PPFIBP1: variants seen among roughly 807,000 people sequenced by gnomAD.
PPFIBP1 encodes PPFIB scaffold protein 1, also known as liprin-beta-1.
A neutral mutation model predicts 137.8 loss-of-function variants in PPFIBP1; 112 were observed. That is an observed-to-expected ratio of 0.81 (90% CI 0.70 to 0.95). The LOEUF (loss-of-function observed/expected upper bound fraction) is 0.95. Among genes scored for constraint, PPFIBP1 ranks in the 40% least tolerant of loss-of-function variants. The pLI is 0.00. For synonymous variants in PPFIBP1, 378 were observed against 417.3 expected, an observed-to-expected ratio of 0.91 and a Z score of 1.15; for missense variants, 1,083 against 1,196.6, an observed-to-expected ratio of 0.91 and a Z score of 1.40.
intron 2 of PPFIBP1, among the ~76,000 whole-genome samples, chr12:27,585,968 T>A (rs75830357): frequency 2.3e-3 from 343 of 152,262 alleles, no homozygotes; most frequent in African/African-American, 7.9e-3. Context: ...TATAGAGAGA[T>A]TCAATGGTAG....
At chr12:27,601,556 A>G (rs143669006) in intron 2 of PPFIBP1, among the ~76,000 whole-genome samples, 2 of 152,328 alleles carry the variant, frequency 1.3e-5, no homozygotes, top group African/African-American at 2.4e-5. Context: ...ATTTAATTTT[A>G]TGACAGTCTC....
intron 26 of PPFIBP1, 129 bp from the exon 27 acceptor site, chr12:27,688,886 A>G (rs2061350330): frequency 3.7e-6 from 3 of 806,572 alleles, no homozygotes; most frequent in East Asian, 2.7e-5. Context: ...TATTGTGTCT[A>G]CCTCACCGGG....
chr12:27,688,175 AAG>A, intron 25 of PPFIBP1, 121 bp from the exon 26 acceptor site: 1 of 1,136,696 alleles, frequency 8.8e-7, no homozygotes, highest in Non-Finnish European at 1.2e-6. Flanking sequence ...AATTCTTTAA[AAG>A]AGAATTTTTC....
chr12:27,602,642 C>T (rs1404735387), intron 2 of PPFIBP1, among the ~76,000 whole-genome samples: 1 of 152,192 alleles, frequency 6.6e-6, no homozygotes, highest in African/African-American at 2.4e-5. Flanking sequence ...TCATTTGCAG[C>T]ATTCATTATT....
chr12:27,540,790 T>A (rs1308034927), intron 1 of PPFIBP1, among the ~76,000 whole-genome samples: 1 of 152,258 alleles, frequency 6.6e-6, no homozygotes, highest in Non-Finnish European at 1.5e-5. Context: ...TTTGATATTA[T>A]TGAGCTAAAT....
chr12:27,685,743 A>G (rs2061167080), intron 24 of PPFIBP1, among the ~76,000 whole-genome samples: 1 of 152,222 alleles, frequency 6.6e-6, no homozygotes, highest in Admixed American at 6.5e-5. Context: ...AGTCAATTGT[A>G]CATTAATTTC....
intron 17 of PPFIBP1, among the ~76,000 whole-genome samples, chr12:27,675,243 T>G (rs1307560772): frequency 6.6e-6 from 1 of 152,216 alleles, no homozygotes; most frequent in Non-Finnish European, 1.5e-5. Context: ...CTGAGTCATA[T>G]GTGGATAGAA....
At chr12:27,528,296 A>G (rs147030082) in intron 1 of PPFIBP1, among the ~76,000 whole-genome samples, 22 of 152,322 alleles carry the variant, frequency 1.4e-4, no homozygotes, top group African/African-American at 4.8e-4. Flanking sequence ...TCTTCTGGCC[A>G]GCATTTTCTG....
chr12:27,672,165 C>T (rs1291175784), intron 14 of PPFIBP1, among the ~76,000 whole-genome samples: 1 of 151,992 alleles, frequency 6.6e-6, no homozygotes, highest in Non-Finnish European at 1.5e-5. Context: ...GTCACAGTCA[C>T]GGGCTGTAAG....
chr12:27,678,989 A>G (rs968716548), intron 19 of PPFIBP1, among the ~76,000 whole-genome samples: 7 of 152,022 alleles, frequency 4.6e-5, no homozygotes, highest in African/African-American at 1.7e-4. Context: ...TACAGAGCCT[A>G]GAGAGAGAGA....
intron 1 of PPFIBP1, among the ~76,000 whole-genome samples, chr12:27,561,999 G>A (rs755575934): frequency 2.6e-5 from 4 of 152,070 alleles, no homozygotes; most frequent in Admixed American, 1.3e-4. Flanking sequence ...GCAGTGAGCC[G>A]TGATTGCCAC....
chr12:27,678,306 G>A (rs1294319543), intron 19 of PPFIBP1, among the ~76,000 whole-genome samples: 2 of 152,216 alleles, frequency 1.3e-5, no homozygotes, highest in African/African-American at 4.8e-5. Flanking sequence ...GGCAACTGTG[G>A]ATGTGATTCT....
At chr12:27,641,499 A>G (rs1184571731) in intron 4 of PPFIBP1, among the ~76,000 whole-genome samples, 1 of 152,240 alleles carries the variant, frequency 6.6e-6, no homozygotes, top group African/African-American at 2.4e-5. Flanking sequence ...TGGCAAGTGC[A>G]TGGGGTTTCA....
intron 2 of PPFIBP1, among the ~76,000 whole-genome samples, chr12:27,620,300 T>TCCCACCACG (rs1202989260): frequency 6.6e-6 from 1 of 152,004 alleles, no homozygotes; most frequent in African/African-American, 2.4e-5. Context: ...ACCCCACCAC[T>TCCCACCACG]CCCACCACGC....
intron 2 of PPFIBP1, among the ~76,000 whole-genome samples, chr12:27,604,452 T>G (rs2137877977): frequency 6.6e-6 from 1 of 152,314 alleles, no homozygotes; most frequent in East Asian, 1.9e-4. Flanking sequence ...TTGGCTATTC[T>G]CATCAGTCAT....
rs138343248 is a variant in PPFIBP1 at position 27,620,301 on chromosome 12, C to T, written c.-35-13061C>T. On this transcript the variant is annotated intron_variant, in intron 2 of 29. Coordinates refer to ENST00000228425, the MANE Select transcript of PPFIBP1 (RefSeq NM_003622.4). The stretch of plus-strand genomic sequence containing the variant: ...CCCCAGATTCCACTACCCCACCACT[C>T]CCACCACGCCTTCTGTGCCTCTGGG... 6.2e-3 allele frequency among the ~76,000 whole-genome samples: 944 copies of T among 152,270 alleles called. 9 individuals carry two copies. The highest frequency in any genetic ancestry group is 0.022 in the African/African-American group (898 of 41,536).
chr12:27,654,512 C>A, intron 7 of PPFIBP1: 1 of 501,770 alleles, frequency 2.0e-6, no homozygotes, highest in Non-Finnish European at 3.2e-6. Flanking sequence ...CACTTTAGGG[C>A]AGACGCATTG....
At chr12:27,552,236 G>A (rs1946849594) in intron 1 of PPFIBP1, among the ~76,000 whole-genome samples, 1 of 152,178 alleles carries the variant, frequency 6.6e-6, no homozygotes, top group African/African-American at 2.4e-5. Context: ...TCCACTGATT[G>A]CATGTCAAAG....
chr12:27,591,780 G>T (rs1565828359), intron 2 of PPFIBP1, among the ~76,000 whole-genome samples: 2 of 152,156 alleles, frequency 1.3e-5, no homozygotes, highest in Admixed American at 6.5e-5. Context: ...GCTCCTAAGT[G>T]GGCCACTACT....
Sources: gnomAD v4.1 joint callset for allele counts (sites outside exome capture counted in the v4.1 genomes callset) on GRCh38, gnomAD v4.1.1 for gene constraint, MANE v1.5 for transcripts, NCBI Gene and HGNC (gene_info 2026-07-23, HGNC 2026-07-21) for gene names.